Variants in PARD3B observed in about 807,000 individuals in gnomAD.
PARD3B encodes par-3 family cell polarity regulator beta.
In PARD3B, 103 loss-of-function variants were observed where a neutral mutation model predicts 130.2. That is an observed-to-expected ratio of 0.79 (90% CI 0.67 to 0.93). The LOEUF is 0.93. Among genes scored for constraint, PARD3B ranks in the 40% least tolerant of loss-of-function variants. The pLI, the probability that PARD3B is intolerant of heterozygous loss-of-function variation, is 0.00. For synonymous variants in PARD3B, 583 were observed against 553.2 expected (o/e 1.05, Z -0.76); for missense variants, 1,609 against 1,499.2 (o/e 1.07, Z -1.21).
At chr2:205,587,847 T>C (rs1209889645) in intron 22 of PARD3B, among the ~76,000 whole-genome samples, 3 of 152,206 alleles carry the variant, frequency 2.0e-5, no homozygotes, top group Non-Finnish European at 4.4e-5. Context: ...TTCCCATTTA[T>C]AGCCCTGCTT....
intron 4 of PARD3B, among the ~76,000 whole-genome samples, chr2:205,079,382 A>G (rs2125507134): frequency 6.6e-6 from 1 of 152,322 alleles, no homozygotes; most frequent in South Asian, 2.1e-4. Context: ...AGTCTAAGAT[A>G]AGGCACCAGC....
At chr2:205,198,793 G>A (rs1272575407) in intron 15 of PARD3B, among the ~76,000 whole-genome samples, 1 of 151,652 alleles carries the variant, frequency 6.6e-6, no homozygotes, top group Non-Finnish European at 1.5e-5. Context: ...TGAATACATA[G>A]GATAATTTTT....
chr2:205,454,554 T>G (rs1198825621), intron 20 of PARD3B, among the ~76,000 whole-genome samples: 2 of 152,090 alleles, frequency 1.3e-5, no homozygotes, highest in Non-Finnish European at 2.9e-5. Flanking sequence ...TGCACAGACT[T>G]CAGTCAATCC....
Position 205,027,629 on chromosome 2 carries a change from A to G in PARD3B, c.395-19952A>G, listed in dbSNP as rs189102880. Among the ~76,000 whole-genome samples, 140 of 152,202 alleles carry G rather than the reference A, an allele frequency of 9.2e-4. 2 individuals are homozygous for G. Among genetic ancestry groups the G allele is most frequent in the African/African-American group, 3.2e-3 (133 of 41,550 alleles). On this transcript the variant is annotated intron_variant, in intron 3 of 22. Transcript: ENST00000406610. Reference sequence around the variant, plus strand: ...TGTGCTTTTAGTGTCATATCCAAATATCATTGCCAAGATCAATGTAAAGGA... The same window carrying G: ...TGTGCTTTTAGTGTCATATCCAAATGTCATTGCCAAGATCAATGTAAAGGA...
chr2:205,335,911 T>A (rs1473967709), intron 18 of PARD3B, among the ~76,000 whole-genome samples: 1 of 152,098 alleles, frequency 6.6e-6, no homozygotes, highest in East Asian at 1.9e-4. Context: ...ACAGCACGGG[T>A]AAGAACAGCA....
chr2:205,133,713 C>T (rs2032223964), intron 10 of PARD3B, among the ~76,000 whole-genome samples: 1 of 151,778 alleles, frequency 6.6e-6, no homozygotes, highest in South Asian at 2.1e-4. Context: ...ATGTGCCCCT[C>T]ATTTTGGCAA....
chr2:204,835,775 A>G (rs1009636853), intron 2 of PARD3B, among the ~76,000 whole-genome samples: 4 of 152,226 alleles, frequency 2.6e-5, no homozygotes, highest in Non-Finnish European at 1.5e-5. Context: ...CGTGATCCTC[A>G]CATGTGAGTT....
At chr2:204,746,448 G>T (rs2040233152) in intron 2 of PARD3B, among the ~76,000 whole-genome samples, 1 of 151,984 alleles carries the variant, frequency 6.6e-6, no homozygotes, top group Non-Finnish European at 1.5e-5. Context: ...ACATACGTGT[G>T]CATGTGTCTT....
Position 204,623,232 on chromosome 2 carries a change from G to A in PARD3B, c.121-62949G>A, listed in dbSNP as rs2034365592. Among the ~76,000 whole-genome samples, 1 of 152,054 alleles carries A rather than the reference G, an allele frequency of 6.6e-6. No individual in the cohort carries two copies. Among genetic ancestry groups the A allele is most frequent in the African/African-American group, 2.4e-5 (1 of 41,412 alleles). Reference sequence around the variant, plus strand: ...TACTATTCACCCAGTTTCTTTCACTGGTTGAGTGTTAAATAGCTATAGGAC... The same window carrying A: ...TACTATTCACCCAGTTTCTTTCACTAGTTGAGTGTTAAATAGCTATAGGAC... On this transcript the variant is annotated intron_variant, in intron 1 of 22. Coordinates refer to ENST00000406610, the MANE Select transcript of PARD3B (RefSeq NM_001302769.2). The surrounding 1 kb of genome is among the most constrained non-coding windows in gnomAD (Gnocchi z 4.5).
chr2:205,594,035 C>G (rs1265848220), intron 22 of PARD3B, among the ~76,000 whole-genome samples: 1 of 152,210 alleles, frequency 6.6e-6, no homozygotes, highest in South Asian at 2.1e-4. Flanking sequence ...CAGGGTCACA[C>G]TTGCAGAGGG....
intron 4 of PARD3B, among the ~76,000 whole-genome samples, chr2:205,061,283 T>G (rs1248666067): frequency 2.6e-5 from 4 of 152,078 alleles, no homozygotes; most frequent in Admixed American, 6.6e-5. Flanking sequence ...GGCATGGCAG[T>G]GGAAGTGTGA....
chr2:204,550,365 GT>G (rs2030358190), intron 1 of PARD3B, among the ~76,000 whole-genome samples: 2 of 151,742 alleles, frequency 1.3e-5, no homozygotes, highest in African/African-American at 4.8e-5. Context: ...TTGATCTGGG[GT>G]TTGGTTGAAT....
chr2:204,906,675 G>C lies in PARD3B; in HGVS notation c.223-58477G>C, dbSNP rs2047052563. Among the ~76,000 whole-genome samples, 1 of 152,196 alleles carries C rather than the reference G, an allele frequency of 6.6e-6. No homozygotes were observed. The highest frequency in any genetic ancestry group is 2.4e-5 in the African/African-American group (1 of 41,452). On this transcript the variant is annotated intron_variant, in intron 2 of 22. Coordinates refer to ENST00000406610, the MANE Select transcript of PARD3B (RefSeq NM_001302769.2). The surrounding 1 kb of genome is among the most constrained non-coding windows in gnomAD (Gnocchi z 4.3). Reference sequence around the variant, plus strand: ...GCAGCCTAACTAATATTTGTAAAAAGAGTGAGTTCAAAATTTGTTTTTACA... The same window carrying C: ...GCAGCCTAACTAATATTTGTAAAAACAGTGAGTTCAAAATTTGTTTTTACA...
chr2:205,565,601 T>C (rs1452443578), intron 22 of PARD3B, among the ~76,000 whole-genome samples: 1 of 152,224 alleles, frequency 6.6e-6, no homozygotes, highest in Non-Finnish European at 1.5e-5. Flanking sequence ...CTTGAATTCC[T>C]CAGTTTGTCC....
At position 204,736,202 on chromosome 2, in the gene PARD3B, T is replaced by G. The variant is rs1440429693; in HGVS notation, c.222+49920T>G. Among the ~76,000 whole-genome samples the G allele has an allele frequency of 7.9e-5, 12 of 152,118 alleles. 1 individual carries two copies. The highest frequency in any genetic ancestry group is 1.8e-4 in the Non-Finnish European group (12 of 68,014). Reference sequence around the variant, plus strand: ...GGTCAGAAACTAAAGATTAACTGATTTTTAAATTTAGATTAATTCAGAAAG... The same window carrying G: ...GGTCAGAAACTAAAGATTAACTGATGTTTAAATTTAGATTAATTCAGAAAG... On this transcript the variant is annotated intron_variant, in intron 2 of 22. Coordinates refer to ENST00000406610, the MANE Select transcript of PARD3B (RefSeq NM_001302769.2).
intron 4 of PARD3B, among the ~76,000 whole-genome samples, chr2:205,081,993 G>A (rs1354723301): frequency 6.6e-6 from 1 of 151,970 alleles, no homozygotes; most frequent in African/African-American, 2.4e-5. Flanking sequence ...TAGTAATCTC[G>A]GCCTGGAGTT....
rs1277452801 is a variant in PARD3B at position 205,116,100 on chromosome 2, A to G, written c.680+2523A>G. On this transcript the variant is annotated intron_variant, in intron 6 of 22. Coordinates refer to ENST00000406610, the MANE Select transcript of PARD3B (RefSeq NM_001302769.2). This position sits in a 1 kb window ranked among gnomAD's most constrained non-coding sequence, Gnocchi z 4.5. ...CAGAGGGGTGCTGAATGCTGCTTGT[A>G]TTGAGGGCCATTGGCTTTCCCAGTA... Among the ~76,000 whole-genome samples the G allele has an allele frequency of 6.6e-6, 1 of 152,138 alleles. No individual in the cohort carries two copies. The highest frequency in any genetic ancestry group is 1.5e-5 in the Non-Finnish European group (1 of 68,018).
chr2:205,168,854 T>A (rs2034987232), intron 11 of PARD3B, among the ~76,000 whole-genome samples: 1 of 152,202 alleles, frequency 6.6e-6, no homozygotes, highest in Non-Finnish European at 1.5e-5. Flanking sequence ...CTTGTCATTG[T>A]CATCTATGTA....
chr2:205,210,066 T>A (rs6717591), intron 15 of PARD3B, among the ~76,000 whole-genome samples: 1 of 151,584 alleles, frequency 6.6e-6, no homozygotes, highest in Non-Finnish European at 1.5e-5. Flanking sequence ...TAAAAAATTA[T>A]CTTAAGGGAT....
Sources: allele counts gnomAD v4.1 joint callset (sites outside exome capture counted in the v4.1 genomes callset), GRCh38; gene constraint gnomAD v4.1.1; non-coding constraint Gnocchi (gnomAD v3.1); transcripts MANE v1.5; gene names NCBI Gene and HGNC (gene_info 2026-07-23, HGNC 2026-07-21).